Variants in PCDHGA4 observed in about 807,000 individuals in gnomAD.
PCDHGA4 encodes the protein protocadherin gamma-A4.
A neutral mutation model predicts 54.6 loss-of-function variants in PCDHGA4; 38 were observed. The observed-to-expected ratio is 0.70, with a 90% CI of 0.54 to 0.91. The LOEUF is 0.91. Among genes scored for constraint, PCDHGA4 ranks in the 40% least tolerant of loss-of-function variants. PCDHGA4 has a pLI of 0.00. For missense variants in PCDHGA4, 1,298 were observed against 1,220.9 expected (o/e 1.06, Z -0.94); for synonymous variants, 511 against 512.9 (o/e 1.00, Z 0.05).
chr5:141,392,628 A>C (rs2092566593), intron 1 of PCDHGA4: 2 of 588,334 alleles, frequency 3.4e-6, no homozygotes, highest in South Asian at 5.4e-5. Flanking sequence ...AAACACTCAG[A>C]TCTCACACCT....
chr5:141,400,734 G>A, intron 1 of PCDHGA4: 1 of 634,548 alleles, frequency 1.6e-6, no homozygotes, highest in Non-Finnish European at 2.7e-6. Flanking sequence ...AAAGTAGTGA[G>A]AGTTTGCTCT....
chr5:141,371,143 A>T (rs199674539), intron 1 of PCDHGA4: 4 of 1,613,904 alleles, frequency 2.5e-6, no homozygotes, highest in Non-Finnish European at 3.4e-6. Context: ...TACAGGGTCA[A>T]TGTTGCAGAG....
chr5:141,486,985 T>C lies in PCDHGA4; in HGVS notation c.2515-7822T>C. On this transcript the variant is annotated intron_variant, in intron 1 of 3. Coordinates refer to ENST00000571252, the MANE Select transcript of PCDHGA4 (RefSeq NM_018917.4). The surrounding 1 kb of genome is among the most constrained non-coding windows in gnomAD (Gnocchi z 5.0). ...TGGACTTGGATTCAGGTTACAATGC[T>C]TGGGTTTCCTATCAGCTCCTGGAGG... 1 of 1,614,208 alleles carries C rather than the reference T, an allele frequency of 6.2e-7. No individual in the cohort carries two copies. The highest frequency in any genetic ancestry group is 8.5e-7 in the Non-Finnish European group (1 of 1,180,040).
At chr5:141,405,499 A>C in intron 1 of PCDHGA4, 9 of 782,122 alleles carry the variant, frequency 1.2e-5, no homozygotes, top group Non-Finnish European at 1.8e-5. Context: ...GGCTCATTGC[A>C]ACCTCCGCCT....
Position 141,487,297 on chromosome 5 carries a change from C to T in PCDHGA4, c.2515-7510C>T, listed in dbSNP as rs770262058. ...TTTGCTTTGTCTCCTTTGGCTCATT[C>T]GTGGCACTACTCTCTAAGTGTCTTC... On this transcript the variant is annotated intron_variant, in intron 1 of 3. Coordinates refer to ENST00000571252, the MANE Select transcript of PCDHGA4 (RefSeq NM_018917.4). This position sits in a 1 kb window ranked among gnomAD's most constrained non-coding sequence, Gnocchi z 5.0. The T allele has an allele frequency of 3.2e-5, 52 of 1,613,984 alleles. No homozygotes were observed. The highest frequency in any genetic ancestry group is 4.0e-5 in the African/African-American group (3 of 74,912).
chr5:141,422,973 T>G (rs1157516415), intron 1 of PCDHGA4: 1 of 1,614,102 alleles, frequency 6.2e-7, no homozygotes, highest in Non-Finnish European at 8.5e-7. Flanking sequence ...CGCCCCGCTC[T>G]GCGGAACCTG....
At chr5:141,366,319 C>T (rs1486100441) in intron 1 of PCDHGA4, 10 of 1,613,662 alleles carry the variant, frequency 6.2e-6, no homozygotes, top group African/African-American at 1.3e-5. Context: ...TCACCGTTGC[C>T]GTGGCCGACA....
At chr5:141,362,337 G>A (rs1427946094) in intron 1 of PCDHGA4, 2 of 1,614,084 alleles carry the variant, frequency 1.2e-6, no homozygotes, top group East Asian at 2.2e-5. Context: ...TCAGCTCCAA[G>A]CCTGGACCTG....
chr5:141,364,386 T>C lies in PCDHGA4; in HGVS notation c.2514+6765T>C, dbSNP rs543592741. 3.8e-6 allele frequency: 6 copies of C among 1,592,054 alleles called. No homozygotes were observed. In the Admixed American group the frequency reaches 8.9e-5, roughly 24 times the overall value. On this transcript the variant is annotated intron_variant, in intron 1 of 3. Transcript: ENST00000571252. ...GGAGAGCTGCTGCTGCCCTTCATGC[T>C]CCTGGGGACGCTGTGCGAGCCAGGA...
chr5:141,361,237 T>C (rs1419156322), intron 1 of PCDHGA4: 4 of 1,613,848 alleles, frequency 2.5e-6, no homozygotes, highest in Non-Finnish European at 3.4e-6. Context: ...AGTGATCGCC[T>C]TGATAAAAAC....
At chr5:141,428,312 C>A in intron 1 of PCDHGA4, 1 of 671,484 alleles carries the variant, frequency 1.5e-6, no homozygotes, top group Non-Finnish European at 2.7e-6. Flanking sequence ...CTGGTCGTGG[C>A]CTTGGCCTTG....
At chr5:141,371,734 A>T in intron 1 of PCDHGA4, 1 of 1,614,042 alleles carries the variant, frequency 6.2e-7, no homozygotes, top group Non-Finnish European at 8.5e-7. Flanking sequence ...GATGTCAACG[A>T]CAACGTTCCC....
Position 141,489,629 on chromosome 5 carries a change from C to T in PCDHGA4, c.2515-5178C>T. Reference sequence around the variant, plus strand: ...GAGATCCTGGATCTCAATGACAACTCTCCTAGCTTTGCCACCCCTGAGCGA... The same window carrying T: ...GAGATCCTGGATCTCAATGACAACTTTCCTAGCTTTGCCACCCCTGAGCGA... On this transcript the variant is annotated intron_variant, in intron 1 of 3. Transcript: ENST00000571252. This position sits in a 1 kb window ranked among gnomAD's most constrained non-coding sequence, Gnocchi z 4.5. 6.2e-7 allele frequency: 1 copy of T among 1,614,142 alleles called. No homozygotes were observed. The highest frequency in any genetic ancestry group is 1.7e-5 in the Admixed American group (1 of 60,032).
intron 1 of PCDHGA4, chr5:141,365,449 T>A: frequency 1.2e-6 from 2 of 1,614,052 alleles, no homozygotes; most frequent in Non-Finnish European, 1.7e-6. Context: ...GCGTACATGA[T>A]GGTGATTCTG....
chr5:141,361,358 G>A, intron 1 of PCDHGA4: 1 of 1,613,958 alleles, frequency 6.2e-7, no homozygotes, highest in South Asian at 1.1e-5. Flanking sequence ...GTGACAGACG[G>A]CGCTCTGGAC....
intron 1 of PCDHGA4, among the ~76,000 whole-genome samples, chr5:141,437,236 C>A (rs2154557405): frequency 6.6e-6 from 1 of 152,278 alleles, no homozygotes; most frequent in South Asian, 2.1e-4. Context: ...AAAATTATGT[C>A]AAGGACTTTC....
chr5:141,423,904 G>A, intron 1 of PCDHGA4: 2 of 1,275,052 alleles, frequency 1.6e-6, no homozygotes, highest in Middle Eastern at 3.1e-4. Flanking sequence ...TGATTTCAAA[G>A]GGGCCATTCA....
rs776293224 is a variant in PCDHGA4, at chr5:141,477,889, A to G, written c.2515-16918A>G. Reference sequence around the variant, plus strand: ...GTACCTCAGCTGGCCACCTAGTGTCACGGGTGGTAGGCTGGGACGCGGATG... The same window carrying G: ...GTACCTCAGCTGGCCACCTAGTGTCGCGGGTGGTAGGCTGGGACGCGGATG... On this transcript the variant is annotated intron_variant, in intron 1 of 3. Coordinates refer to ENST00000571252, the MANE Select transcript of PCDHGA4 (RefSeq NM_018917.4). This position sits in a 1 kb window ranked among gnomAD's most constrained non-coding sequence, Gnocchi z 4.9. The G allele has an allele frequency of 1.8e-5, 29 of 1,614,034 alleles. No individual in the cohort carries two copies. Among genetic ancestry groups the G allele is most frequent in the Non-Finnish European group, 2.5e-5 (29 of 1,180,026 alleles).
chr5:141,470,718 G>A (rs916720866), intron 1 of PCDHGA4, among the ~76,000 whole-genome samples: 2 of 152,022 alleles, frequency 1.3e-5, no homozygotes, highest in Non-Finnish European at 2.9e-5. Flanking sequence ...ATTTTTTTGA[G>A]TCAGGGTCTT....
Sources: allele counts gnomAD v4.1 joint callset (sites outside exome capture counted in the v4.1 genomes callset), GRCh38; gene constraint gnomAD v4.1.1; non-coding constraint Gnocchi (gnomAD v3.1); transcripts MANE v1.5; gene names NCBI Gene and HGNC (gene_info 2026-07-23, HGNC 2026-07-21).